The following KCND3 variants were observed in gnomAD, a reference collection of about 807,000 sequenced individuals.
KCND3 encodes A-type voltage-gated potassium channel KCND3.
A neutral mutation model predicts 51.1 loss-of-function variants in KCND3; 9 were observed. The observed-to-expected ratio is 0.18, with a 90% CI of 0.11 to 0.31. KCND3 has a LOEUF of 0.31. Among genes scored for constraint, KCND3 ranks in the 10% least tolerant of loss-of-function variants. KCND3 has a pLI of 1.00. For synonymous variants in KCND3, 349 were observed against 368.0 expected (o/e 0.95, Z 0.59); for missense variants, 526 against 903.8 (o/e 0.58, Z 5.36).
chr1:111,980,451 A>G (rs1674887269), intron 2 of KCND3, among the ~76,000 whole-genome samples: 1 of 151,958 alleles, frequency 6.6e-6, no homozygotes, highest in Admixed American at 6.6e-5. Flanking sequence ...CATACGCAGC[A>G]CTATGGAAAA....
intron 2 of KCND3, among the ~76,000 whole-genome samples, chr1:111,928,161 G>A (rs545933800): frequency 4.8e-4 from 73 of 152,268 alleles, no homozygotes; most frequent in Admixed American, 4.4e-3. Flanking sequence ...ATGAGGGTAG[G>A]AATTTTATTC....
At chr1:111,947,270 T>A (rs1412399380) in intron 2 of KCND3, among the ~76,000 whole-genome samples, 1 of 152,208 alleles carries the variant, frequency 6.6e-6, no homozygotes, top group African/African-American at 2.4e-5. Flanking sequence ...ATTTATTAAT[T>A]TACTCAACAT....
At chr1:111,921,615 C>G (rs1303883294) in intron 2 of KCND3, among the ~76,000 whole-genome samples, 2 of 152,214 alleles carry the variant, frequency 1.3e-5, no homozygotes, top group African/African-American at 4.8e-5. Flanking sequence ...TCATGCCTCT[C>G]TCTTCCCACC....
intron 2 of KCND3, among the ~76,000 whole-genome samples, chr1:111,881,717 C>T (rs1449288070): frequency 6.6e-6 from 1 of 152,198 alleles, no homozygotes; most frequent in Non-Finnish European, 1.5e-5. Context: ...TGAGCACTCC[C>T]TTCCCCTCTC....
At chr1:111,897,435 T>C (rs4838925) in intron 2 of KCND3, among the ~76,000 whole-genome samples, 22,661 of 152,316 alleles carry the variant, frequency 0.15, 2,067 homozygotes, top group South Asian at 0.28. Context: ...GCTTCCTCCT[T>C]GCCGCCTCCG....
chr1:111,882,470 G>A (rs1025198470), intron 2 of KCND3, among the ~76,000 whole-genome samples: 1 of 152,210 alleles, frequency 6.6e-6, no homozygotes, highest in Non-Finnish European at 1.5e-5. Flanking sequence ...CAGATTCCAA[G>A]GCCAAGAAGT....
intron 2 of KCND3, among the ~76,000 whole-genome samples, chr1:111,896,214 A>G (rs765115582): frequency 4.6e-5 from 7 of 152,060 alleles, no homozygotes; most frequent in African/African-American, 1.7e-4. Flanking sequence ...ACCCGGGCCT[A>G]TTGGCTTTGA....
At chr1:111,891,890 G>C (rs1194774575) in intron 2 of KCND3, among the ~76,000 whole-genome samples, 3 of 152,120 alleles carry the variant, frequency 2.0e-5, no homozygotes, top group African/African-American at 7.2e-5. Context: ...AACTGTATTA[G>C]ATCCTGGAGA....
chr1:111,800,623 T>C (rs1425482578), intron 2 of KCND3, among the ~76,000 whole-genome samples: 1 of 152,004 alleles, frequency 6.6e-6, no homozygotes, highest in East Asian at 1.9e-4. Context: ...TCCAGTCAGT[T>C]GTTCCCTGCC....
At chr1:111,943,035 ACT>A (rs977881228) in intron 2 of KCND3, among the ~76,000 whole-genome samples, 4 of 152,108 alleles carry the variant, frequency 2.6e-5, no homozygotes, top group Admixed American at 2.6e-4. Context: ...CATGGGGACA[ACT>A]TCTAGCAGAG....
intron 2 of KCND3, among the ~76,000 whole-genome samples, chr1:111,972,671 C>A (rs1356898949): frequency 6.6e-6 from 1 of 152,200 alleles, no homozygotes. Context: ...TTATTCTGTA[C>A]TCCTGATCTT....
chr1:111,778,596 C>G, intron 5 of KCND3, 104 bp from the exon 6 acceptor site: 1 of 1,095,692 alleles, frequency 9.1e-7, no homozygotes, highest in Non-Finnish European at 1.4e-6. Flanking sequence ...GGCATTCCAC[C>G]CTTTGAGTCA....
intron 2 of KCND3, among the ~76,000 whole-genome samples, chr1:111,815,959 C>A (rs2101585618): frequency 6.6e-6 from 1 of 152,214 alleles, no homozygotes; most frequent in South Asian, 2.1e-4. Context: ...CTCCTAGGAC[C>A]CCGGGGAGGA....
Position 111,925,814 on chromosome 1 carries a change from G to GA in KCND3, c.1106+55806dup, listed in dbSNP as rs1392080546. Among the ~76,000 whole-genome samples the GA allele has an allele frequency of 2.0e-5, 3 of 151,908 alleles. No individual in the cohort carries two copies. The East Asian group carries it at 5.8e-4, about 29-fold the overall frequency. ...AATGGGTCTGGCTCTGATGTAACTC[G>GA]AAAAAAGACCAACCCCCCAACATGA... is the stretch of plus-strand genomic sequence containing the variant. On this transcript the variant is annotated intron_variant, in intron 2 of 7. Coordinates refer to ENST00000302127, the MANE Select transcript of KCND3 (RefSeq NM_001378969.1).
chr1:111,987,331 G>C (rs1675337753), intron 1 of KCND3, among the ~76,000 whole-genome samples: 1 of 152,082 alleles, frequency 6.6e-6, no homozygotes, highest in South Asian at 2.1e-4. Flanking sequence ...CCTATCTTGG[G>C]ACCATAAAAG....
intron 2 of KCND3, among the ~76,000 whole-genome samples, chr1:111,971,341 C>A (rs1482943776): frequency 6.7e-6 from 1 of 149,306 alleles, no homozygotes; most frequent in East Asian, 2.0e-4. Flanking sequence ...CAAACAAAAA[C>A]CCTTGTTTTA....
chr1:111,792,339 A>G (rs948416833), intron 2 of KCND3, among the ~76,000 whole-genome samples: 1 of 152,238 alleles, frequency 6.6e-6, no homozygotes, highest in African/African-American at 2.4e-5. Flanking sequence ...AAGGTCACTC[A>G]GGTAGTCAGA....
chr1:111,957,854 T>C (rs969917577), intron 2 of KCND3, among the ~76,000 whole-genome samples: 2 of 152,218 alleles, frequency 1.3e-5, no homozygotes, highest in African/African-American at 2.4e-5. Flanking sequence ...TGAGAATATA[T>C]GACCCACAAA....
chr1:111,971,507 C>T (rs915772366), intron 2 of KCND3, among the ~76,000 whole-genome samples: 2 of 152,188 alleles, frequency 1.3e-5, no homozygotes, highest in Non-Finnish European at 2.9e-5. Flanking sequence ...AGAAGTAGGG[C>T]ACAAGGCAGG....
Sources: gnomAD v4.1 joint callset for allele counts (sites outside exome capture counted in the v4.1 genomes callset) on GRCh38, gnomAD v4.1.1 for gene constraint, MANE v1.5 for transcripts, NCBI Gene and HGNC (gene_info 2026-07-23, HGNC 2026-07-21) for gene names.